Variants in KIF1B observed in about 807,000 individuals in gnomAD.
KIF1B encodes the protein kinesin family member 1B.
Under a neutral mutation model 241.9 loss-of-function variants are expected in KIF1B, and 76 were observed. The ratio of observed to expected loss-of-function variants is 0.31; its 90% CI spans 0.26 to 0.38. The LOEUF is 0.38. KIF1B is among the 10% of genes least tolerant of loss of function. The pLI, the probability that KIF1B is intolerant of heterozygous loss-of-function variation, is 1.00. For synonymous variants in KIF1B, 750 were observed against 796.7 expected (o/e 0.94, Z 0.99); for missense variants, 1,622 against 2,271.4 (o/e 0.71, Z 5.81).
At chr1:10,285,078 A>G (rs1649622697) in intron 15 of KIF1B, among the ~76,000 whole-genome samples, 1 of 152,184 alleles carries the variant, frequency 6.6e-6, no homozygotes, top group Admixed American at 6.5e-5. Context: ...GACTCCATTC[A>G]CACATTTTCT....
At chr1:10,248,044 T>C (rs1441254151) in intron 2 of KIF1B, among the ~76,000 whole-genome samples, 2 of 152,242 alleles carry the variant, frequency 1.3e-5, no homozygotes, top group African/African-American at 2.4e-5. Context: ...TGGTTCCTAA[T>C]AGGCCATGGA....
In KIF1B at chr1:10,337,037, C is replaced by T; in HGVS notation, c.3130-37C>T. Reference sequence around the variant, plus strand: ...AACTGGGGAAAAATACGTTTTTATACTACTTTACCATGTATCTGCCCCTGC... The same window carrying T: ...AACTGGGGAAAAATACGTTTTTATATTACTTTACCATGTATCTGCCCCTGC... On this transcript the variant is annotated intron_variant, in intron 29 of 48. Transcript: ENST00000676179. The surrounding 1 kb of genome is among the most constrained non-coding windows in gnomAD (Gnocchi z 4.0). 1.2e-6 allele frequency: 2 copies of T among 1,613,754 alleles called. No homozygotes were observed. Among genetic ancestry groups the T allele is most frequent in the Non-Finnish European group, 1.7e-6 (2 of 1,179,848 alleles).
rs1238005638 is a variant in KIF1B at position 10,381,128 on chromosome 1, T to G, written c.*4541T>G. On this transcript the variant is annotated 3_prime_UTR_variant, in exon 49 of 49. Coordinates refer to ENST00000676179, the MANE Select transcript of KIF1B (RefSeq NM_001365951.3). ...TTGTTCTTCATGTCTTCGAGTTCAT[T>G]TTTTTTCATTCTGCCTATTCTGGCA... The G allele has an allele frequency of 4.5e-6, 1 of 221,490 alleles. No individual in the cohort carries two copies. The highest frequency in any genetic ancestry group is 9.0e-6 in the Non-Finnish European group (1 of 110,582). 13.7% of individuals were successfully genotyped at this position (221,490 alleles called of 1,614,324 possible).
At chr1:10,318,643 C>T (rs569132872) in intron 22 of KIF1B, among the ~76,000 whole-genome samples, 8 of 152,042 alleles carry the variant, frequency 5.3e-5, no homozygotes, top group Admixed American at 4.6e-4. Flanking sequence ...CGCTTGAACC[C>T]GGGAGGTGGA....
rs752757940 is a variant in KIF1B, at chr1:10,304,164, C to T, written c.2115+6918C>T. ...TTATAGAGCTTAGGATTCCAAAAGA[C>T]GATGAAGCAAGGAAAGGGAATAAAG... is the stretch of plus-strand genomic sequence containing the variant. On this transcript the variant is annotated intron_variant, in intron 22 of 48. Coordinates refer to ENST00000676179, the MANE Select transcript of KIF1B (RefSeq NM_001365951.3). 6 of 1,613,680 alleles carry T rather than the reference C, an allele frequency of 3.7e-6. No homozygotes were observed. In the East Asian group the frequency reaches 6.7e-5, roughly 18 times the overall value.
At chr1:10,358,114 AAAAAG>A (rs1358113465) in intron 38 of KIF1B, among the ~76,000 whole-genome samples, 5 of 151,654 alleles carry the variant, frequency 3.3e-5, no homozygotes, top group African/African-American at 9.6e-5. Flanking sequence ...AAAAAAAAAA[AAAAAG>A]AAAGAAACTT....
chr1:10,231,378 C>CTTTTTT (rs35213507), intron 1 of KIF1B, among the ~76,000 whole-genome samples: 220 of 85,726 alleles, frequency 2.6e-3, no homozygotes, highest in African/African-American at 3.1e-3. Context: ...GTTCAGTGCC[C>CTTTTTT]TTTTTTTTTT....
At chr1:10,278,253 G>T in intron 13 of KIF1B, 125 bp downstream of exon 13, 1 of 946,494 alleles carries the variant, frequency 1.1e-6, no homozygotes. Context: ...TAGTGAAAAT[G>T]TTTTGTTTTG....
At chr1:10,368,320 G>A in intron 43 of KIF1B, 147 bp from the exon 44 acceptor site, 2 of 702,230 alleles carry the variant, frequency 2.8e-6, no homozygotes, top group South Asian at 3.0e-5. Context: ...ACGGCAGATG[G>A]ACGAATGCAT....
At chr1:10,265,831 C>A (rs1454427141) in intron 5 of KIF1B, among the ~76,000 whole-genome samples, 4 of 151,768 alleles carry the variant, frequency 2.6e-5, no homozygotes, top group Non-Finnish European at 2.9e-5. Context: ...GCCTGGGTGA[C>A]AGAGTAAGAT....
At chr1:10,298,784 T>C (rs1166239669) in intron 22 of KIF1B, among the ~76,000 whole-genome samples, 1 of 152,152 alleles carries the variant, frequency 6.6e-6, no homozygotes, top group Non-Finnish European at 1.5e-5. Context: ...CATCAATTTA[T>C]TTGACCCTCA....
chr1:10,259,859 G>T (rs1648026576), intron 4 of KIF1B, among the ~76,000 whole-genome samples: 1 of 151,672 alleles, frequency 6.6e-6, no homozygotes, highest in Non-Finnish European at 1.5e-5. Flanking sequence ...GTCTCGAATG[G>T]ACCTGGGCTC....
At chr1:10,336,987 T>C (rs1321977340) in intron 29 of KIF1B, 87 bp from the exon 30 acceptor site, 1 of 1,554,436 alleles carries the variant, frequency 6.4e-7, no homozygotes, top group African/African-American at 1.4e-5. Flanking sequence ...CTATTATTTG[T>C]TGGACAGATA....
intron 22 of KIF1B, among the ~76,000 whole-genome samples, chr1:10,319,712 G>A (rs1181239678): frequency 5.9e-5 from 9 of 151,914 alleles, no homozygotes; most frequent in Non-Finnish European, 1.2e-4. Flanking sequence ...ATATTCTAAC[G>A]CTTAAGGTAT....
chr1:10,342,233 G>T, intron 33 of KIF1B, 65 bp downstream of exon 33: 2 of 982,262 alleles, frequency 2.0e-6, no homozygotes, highest in South Asian at 1.3e-5. Context: ...TCAATTGCTG[G>T]AAAGGAAGAA....
In KIF1B at chr1:10,296,845, A is replaced by G. The variant is rs536452427; in HGVS notation, c.1862-52A>G. 2.8e-4 allele frequency: 429 copies of G among 1,507,762 alleles called. 3 individuals are homozygous for G. In the South Asian group the frequency reaches 4.5e-3, roughly 16 times the overall value. The allele number at this position is 1,507,762 out of a possible 1,614,324, so 93.4% of individuals were successfully genotyped here. On this transcript the variant is annotated intron_variant, in intron 20 of 48. Coordinates refer to ENST00000676179, the MANE Select transcript of KIF1B (RefSeq NM_001365951.3). ...GGAGGGGTGAGGTTGTTAAATAGAT[A>G]CTATATATTAAAAAAATTATTTCTT...
chr1:10,305,161 A>T (rs1279571620), intron 22 of KIF1B: 1 of 1,046,954 alleles, frequency 9.6e-7, no homozygotes, highest in African/African-American at 1.7e-5. Context: ...CCTTCTTTAA[A>T]TATGATTAGA....
chr1:10,314,721 A>C (rs745428810), intron 22 of KIF1B, among the ~76,000 whole-genome samples: 7 of 151,616 alleles, frequency 4.6e-5, no homozygotes, highest in Non-Finnish European at 8.8e-5. Context: ...CACCTGGCCC[A>C]GTTAAACTTT....
At chr1:10,261,776 A>C (rs1648161160) in intron 4 of KIF1B, 129 bp from the exon 5 acceptor site, 1 of 718,066 alleles carries the variant, frequency 1.4e-6, no homozygotes, top group East Asian at 2.6e-5. Flanking sequence ...TCGTATCTTG[A>C]TGTTTATGAC....
Sources: allele counts gnomAD v4.1 joint callset (sites outside exome capture counted in the v4.1 genomes callset), GRCh38; gene constraint gnomAD v4.1.1; non-coding constraint Gnocchi (gnomAD v3.1); transcripts MANE v1.5; gene names NCBI Gene and HGNC (gene_info 2026-07-23, HGNC 2026-07-21).